Variants in CUX2 observed in about 807,000 individuals in gnomAD.
CUX2 encodes the protein homeobox protein cut-like 2.
CUX2 carries 40 observed loss-of-function variants against 144.8 expected under a neutral mutation model. The observed-to-expected ratio is 0.28, with a 90% CI of 0.21 to 0.36. The LOEUF is 0.36. Ranked by LOEUF, CUX2 falls within the 10% of genes least tolerant of loss-of-function variation. The pLI, the probability that CUX2 is intolerant of heterozygous loss-of-function variation, is 1.00. For missense variants in CUX2, 1,615 were observed against 1,994.0 expected, an observed-to-expected ratio of 0.81 and a Z score of 3.62; for synonymous variants, 827 against 875.6, an observed-to-expected ratio of 0.94 and a Z score of 0.98.
intron 1 of CUX2, among the ~76,000 whole-genome samples, chr12:111,064,550 T>C (rs1870943301): frequency 6.6e-6 from 1 of 152,246 alleles, no homozygotes; most frequent in Admixed American, 6.5e-5. Context: ...ATGAAAGCTA[T>C]GGATCTTCTT....
chr12:111,254,398 A>T (rs1244541357), intron 3 of CUX2, among the ~76,000 whole-genome samples: 2 of 152,206 alleles, frequency 1.3e-5, no homozygotes, highest in African/African-American at 4.8e-5. Flanking sequence ...CGTGCCCATC[A>T]TCATTGCAGG....
chr12:111,298,447 C>T, intron 8 of CUX2, 94 bp from the exon 9 acceptor site: 3 of 1,353,038 alleles, frequency 2.2e-6, no homozygotes, highest in Non-Finnish European at 3.1e-6. Context: ...TTCAGCCCTC[C>T]CCTGGGCTCA....
Position 111,310,804 on chromosome 12 carries a change from A to G in CUX2, c.1900+122A>G. The G allele has an allele frequency of 3.4e-6, 4 of 1,162,954 alleles. No individual in the cohort carries two copies. Among genetic ancestry groups the G allele is most frequent in the Non-Finnish European group, 4.7e-6 (4 of 850,758 alleles). The allele number at this position is 1,162,954 out of a possible 1,614,324, so 72.0% of individuals were successfully genotyped here. The stretch of plus-strand genomic sequence containing the variant: ...AGCTCTACCACCACCTGGCTGTGTG[A>G]CCCAGGGCCAGTGGCTTTGCCTGTC... On this transcript the variant is annotated intron_variant, in intron 15 of 21. Coordinates refer to ENST00000261726, the MANE Select transcript of CUX2 (RefSeq NM_015267.4). The surrounding 1 kb of genome is among the most constrained non-coding windows in gnomAD (Gnocchi z 7.9).
At chr12:111,096,265 C>A (rs1872810556) in intron 1 of CUX2, among the ~76,000 whole-genome samples, 1 of 152,142 alleles carries the variant, frequency 6.6e-6, no homozygotes, top group African/African-American at 2.4e-5. Context: ...GGAAATCAGA[C>A]CTTGGAGGTC....
At chr12:111,052,587 A>G (rs1003816189) in intron 1 of CUX2, among the ~76,000 whole-genome samples, 1 of 151,816 alleles carries the variant, frequency 6.6e-6, no homozygotes, top group African/African-American at 2.4e-5. Flanking sequence ...GTGTCCTTGT[A>G]TGTGTATCTT....
chr12:111,314,655 AAAAAAAAAAAAAAC>A (rs1473352752), intron 16 of CUX2, among the ~76,000 whole-genome samples: 5 of 137,064 alleles, frequency 3.6e-5, no homozygotes, highest in African/African-American at 6.1e-5. Context: ...AAAAAAAAAA[AAAAAAAAAAAAAAC>A]CCCATCTCCT....
chr12:111,218,098 C>T (rs1247016509), intron 3 of CUX2, among the ~76,000 whole-genome samples, 161 bp downstream of exon 3: 4 of 152,152 alleles, frequency 2.6e-5, no homozygotes, highest in East Asian at 1.9e-4. Context: ...GTCTCCCATC[C>T]GAATGGTATA....
chr12:111,193,643 C>A (rs1225508595), intron 1 of CUX2, among the ~76,000 whole-genome samples: 2 of 152,186 alleles, frequency 1.3e-5, no homozygotes, highest in Non-Finnish European at 2.9e-5. Flanking sequence ...TGTGAACAGG[C>A]CCCTTGTTCG....
rs189859686 is a variant in CUX2, at chr12:111,173,221, T to G, written c.64-40979T>G. Among the ~76,000 whole-genome samples the G allele has an allele frequency of 1.7e-4, 26 of 152,286 alleles. No individual in the cohort carries two copies. In the Middle Eastern group the frequency reaches 0.02, roughly 120 times the overall value. On this transcript the variant is annotated intron_variant, in intron 1 of 21. Coordinates refer to ENST00000261726, the MANE Select transcript of CUX2 (RefSeq NM_015267.4). ...CCCTTGGCTGGTTCTTTGGTTGATG[T>G]TCTTGTTGTTCTAATTTGATGGTCA... is the stretch of plus-strand genomic sequence containing the variant.
intron 9 of CUX2, among the ~76,000 whole-genome samples, chr12:111,300,401 G>A (rs1323055532): frequency 6.6e-6 from 1 of 152,204 alleles, no homozygotes; most frequent in African/African-American, 2.4e-5. Flanking sequence ...GATTAGAGGT[G>A]TGAGCCTCTG....
At chr12:111,044,556 G>A (rs551144005) in intron 1 of CUX2, among the ~76,000 whole-genome samples, 2 of 152,242 alleles carry the variant, frequency 1.3e-5, no homozygotes, top group Admixed American at 1.3e-4. Context: ...CACCTCCTCA[G>A]AGAAGTCCTC....
At chr12:111,144,545 G>A (rs934842390) in intron 1 of CUX2, among the ~76,000 whole-genome samples, 3 of 152,140 alleles carry the variant, frequency 2.0e-5, no homozygotes, top group Non-Finnish European at 4.4e-5. Flanking sequence ...CTTCTCCTTG[G>A]GCTTCACTCT....
intron 2 of CUX2, 54 bp from the exon 3 acceptor site, chr12:111,217,836 A>T: frequency 1.3e-6 from 2 of 1,598,630 alleles, no homozygotes; most frequent in Non-Finnish European, 1.7e-6. Context: ...AGCAGGGGCC[A>T]CGGGGGCGTC....
At chr12:111,256,876 C>T (rs1883844162) in intron 3 of CUX2, among the ~76,000 whole-genome samples, 1 of 152,144 alleles carries the variant, frequency 6.6e-6, no homozygotes, top group Non-Finnish European at 1.5e-5. Context: ...AGGCTTAGAA[C>T]TTGGCACAGA....
chr12:111,058,549 C>G (rs1318723758), intron 1 of CUX2, among the ~76,000 whole-genome samples: 10 of 148,762 alleles, frequency 6.7e-5, no homozygotes, highest in Admixed American at 6.7e-4. Flanking sequence ...GAGAGAGAGA[C>G]AGAGAGAGAG....
At chr12:111,150,137 G>A (rs1262074160) in intron 1 of CUX2, among the ~76,000 whole-genome samples, 2 of 152,206 alleles carry the variant, frequency 1.3e-5, no homozygotes, top group Non-Finnish European at 2.9e-5. Context: ...CATTCCCAGC[G>A]CCCTGGCACA....
intron 2 of CUX2, 72 bp from the exon 3 acceptor site, chr12:111,217,818 G>A (rs1165470119): frequency 6.0e-6 from 9 of 1,492,730 alleles, no homozygotes; most frequent in Admixed American, 1.7e-5. Context: ...GGACAGCAGC[G>A]AGCTACAAGC....
intron 3 of CUX2, among the ~76,000 whole-genome samples, chr12:111,254,378 CT>C (rs1190225400): frequency 5.3e-5 from 8 of 152,196 alleles, no homozygotes; most frequent in Non-Finnish European, 1.0e-4. Flanking sequence ...TGCAGAGTTG[CT>C]GTGCACCCCG....
chr12:111,125,430 C>T (rs1471479724), intron 1 of CUX2, among the ~76,000 whole-genome samples: 2 of 152,204 alleles, frequency 1.3e-5, no homozygotes, highest in African/African-American at 2.4e-5. Flanking sequence ...CTGCCCTCCT[C>T]GGCCTTCCAA....
Sources: gnomAD v4.1 joint callset for allele counts (sites outside exome capture counted in the v4.1 genomes callset) on GRCh38, gnomAD v4.1.1 for gene constraint, Gnocchi (gnomAD v3.1) non-coding constraint, MANE v1.5 for transcripts, NCBI Gene and HGNC (gene_info 2026-07-23, HGNC 2026-07-21) for gene names.